Variants in RERE observed in about 807,000 individuals in gnomAD.
RERE encodes the protein arginine-glutamic acid dipeptide repeats.
Under a neutral mutation model 146.1 loss-of-function variants are expected in RERE, and 40 were observed. The ratio of observed to expected loss-of-function variants is 0.27; its 90% confidence interval spans 0.21 to 0.36. The LOEUF (loss-of-function observed/expected upper bound fraction) is 0.36, where lower values mean the gene tolerates loss of function less well. Among genes scored for constraint, RERE ranks in the 10% least tolerant of loss-of-function variants. The pLI is 1.00. For synonymous variants in RERE, 1,003 were observed against 866.0 expected (o/e 1.16, Z -2.78); for missense variants, 1,933 against 2,138.7 (o/e 0.90, Z 1.90).
chr1:8,690,676 G>T (rs1210436835), intron 1 of RERE, among the ~76,000 whole-genome samples: 1 of 152,096 alleles, frequency 6.6e-6, no homozygotes, highest in Non-Finnish European at 1.5e-5. Context: ...GTTTCCTTAG[G>T]TCACACACCT....
rs917592174 is a variant in RERE at position 8,378,117 on chromosome 1, C to T, written c.1285-12143G>A. ...AAAGAAAGGGTACTTAATTTTCTCA[C>T]TGCATTACCTTTAATAAAAGGAGCG... On this transcript the variant is annotated intron_variant, in intron 12 of 22. Transcript: ENST00000400908. Among the ~76,000 whole-genome samples the T allele has an allele frequency of 2.6e-4, 40 of 152,260 alleles. 1 individual carries two copies. The highest frequency in any genetic ancestry group is 9.6e-4 in the African/African-American group (40 of 41,474).
intron 12 of RERE, among the ~76,000 whole-genome samples, chr1:8,400,837 CAAAAAAAAAAAA>C (rs147651647): frequency 1.7e-5 from 1 of 58,640 alleles, no homozygotes; most frequent in South Asian, 7.8e-4. Context: ...AACACCATCT[CAAAAAAAAAAAA>C]AAAAAAAAAA....
chr1:8,534,461 G>A (rs994360205), intron 7 of RERE, among the ~76,000 whole-genome samples: 4 of 152,138 alleles, frequency 2.6e-5, no homozygotes, highest in African/African-American at 9.7e-5. Context: ...GCAAGTGTGT[G>A]CATTATATAT....
At chr1:8,389,720 T>G (rs1412353292) in intron 12 of RERE, among the ~76,000 whole-genome samples, 8 of 152,200 alleles carry the variant, frequency 5.3e-5, no homozygotes, top group African/African-American at 1.7e-4. Context: ...GGAGGGAACC[T>G]CACCACTTCC....
intron 15 of RERE, 124 bp downstream of exon 15, chr1:8,363,931 GC>G (rs1557589725): frequency 1.2e-6 from 1 of 859,558 alleles, no homozygotes; most frequent in Non-Finnish European, 1.8e-6. Flanking sequence ...GGGCAAAGCA[GC>G]TCCCCTCCAG....
chr1:8,707,954 A>G (rs867684945), intron 1 of RERE, among the ~76,000 whole-genome samples: 15 of 150,802 alleles, frequency 9.9e-5, no homozygotes, highest in African/African-American at 3.7e-4. Context: ...ATGTATTGTT[A>G]TAATTGTTCT....
chr1:8,448,800 G>A (rs964947666), intron 11 of RERE, among the ~76,000 whole-genome samples: 4 of 151,842 alleles, frequency 2.6e-5, no homozygotes, highest in Non-Finnish European at 5.9e-5. Flanking sequence ...CTGCACTCCA[G>A]CCTCGGTGAC....
chr1:8,494,752 G>A (rs1024294947), intron 10 of RERE, among the ~76,000 whole-genome samples: 10 of 152,220 alleles, frequency 6.6e-5, no homozygotes, highest in African/African-American at 2.4e-4. Context: ...CCTAGAGGTG[G>A]TTGTGAGGAT....
intron 1 of RERE, among the ~76,000 whole-genome samples, chr1:8,726,842 A>G (rs1639979454): frequency 1.3e-5 from 2 of 152,028 alleles, no homozygotes; most frequent in Admixed American, 6.5e-5. Flanking sequence ...GTCTCCCTCT[A>G]TTGCCTAGGC....
chr1:8,790,740 T>C (rs988810326), intron 1 of RERE, among the ~76,000 whole-genome samples: 5 of 152,194 alleles, frequency 3.3e-5, no homozygotes, highest in Admixed American at 2.0e-4. Flanking sequence ...TGCGCCACCA[T>C]GCCCAAATAA....
chr1:8,516,612 G>A (rs1300916684), intron 7 of RERE, among the ~76,000 whole-genome samples: 7 of 152,142 alleles, frequency 4.6e-5, no homozygotes, highest in Admixed American at 1.3e-4. Context: ...AATAAGTGGA[G>A]AAATCAGGAA....
At chr1:8,596,765 A>G (rs72639663) in intron 4 of RERE, among the ~76,000 whole-genome samples, 7,756 of 150,068 alleles carry the variant, frequency 0.052, 277 homozygotes, top group Middle Eastern at 0.086. Flanking sequence ...CCCATCTCCA[A>G]CTCCCCAAAG....
At chr1:8,673,022 T>C (rs1378917663) in intron 1 of RERE, among the ~76,000 whole-genome samples, 4 of 152,224 alleles carry the variant, frequency 2.6e-5, no homozygotes, top group Non-Finnish European at 5.9e-5. Context: ...TTTTCATTTC[T>C]ACCCTCCTGA....
chr1:8,701,306 A>G (rs954458341), intron 1 of RERE, among the ~76,000 whole-genome samples: 1 of 94,022 alleles, frequency 1.1e-5, no homozygotes, highest in African/African-American at 5.5e-5. Context: ...ACACACACAC[A>G]CACACACACA....
At chr1:8,599,209 T>G (rs903056611) in intron 4 of RERE, among the ~76,000 whole-genome samples, 15 of 152,312 alleles carry the variant, frequency 9.8e-5, no homozygotes, top group African/African-American at 3.6e-4. Flanking sequence ...GTTCACGAGA[T>G]GGGCTGTTTT....
intron 1 of RERE, among the ~76,000 whole-genome samples, chr1:8,812,571 T>C: frequency 6.6e-6 from 1 of 152,124 alleles, no homozygotes; most frequent in Admixed American, 6.6e-5. Context: ...CGCTTGAACC[T>C]GGGAAGCAAA....
chr1:8,378,001 ATTTTATGGT>A (rs1642317807), intron 12 of RERE, among the ~76,000 whole-genome samples: 1 of 152,192 alleles, frequency 6.6e-6, no homozygotes, highest in Admixed American at 6.5e-5. Context: ...CTTCTCTTAT[ATTTTATGGT>A]TTTTATGGAT....
At position 8,795,774 on chromosome 1, in the gene RERE, G is replaced by C. The variant is rs187140924; in HGVS notation, c.-145+21386C>G. On this transcript the variant is annotated intron_variant, in intron 1 of 22. Coordinates refer to ENST00000400908, the MANE Select transcript of RERE (RefSeq NM_001042681.2). ...AAGGCCGGCAGATCATCTGAGGTCA[G>C]GAGTTCGAGACCAGCCTGACCAACA... is the stretch of plus-strand genomic sequence containing the variant. Among the ~76,000 whole-genome samples the C allele has an allele frequency of 6.6e-5, 10 of 152,272 alleles. No individual in the cohort carries two copies. The East Asian group carries it at 1.9e-3, about 29-fold the overall frequency.
At chr1:8,505,677 T>G (rs1210551967) in intron 8 of RERE, among the ~76,000 whole-genome samples, 1 of 152,126 alleles carries the variant, frequency 6.6e-6, no homozygotes, top group African/African-American at 2.4e-5. Flanking sequence ...ACTACAGACA[T>G]GCATCACCAT....
Sources: allele counts gnomAD v4.1 joint callset (sites outside exome capture counted in the v4.1 genomes callset), GRCh38; gene constraint gnomAD v4.1.1; transcripts MANE v1.5; gene names NCBI Gene and HGNC (gene_info 2026-07-23, HGNC 2026-07-21).